ADAT3: variants seen among roughly 807,000 people sequenced by gnomAD.
ADAT3 encodes adenosine deaminase tRNA specific 3, also known as tRNA-specific adenosine-34 deaminase regulatory subunit ADAT3.
ADAT3 carries 2 observed loss-of-function variants against 3.5 expected under a neutral mutation model. That is an observed-to-expected ratio of 0.57 (90% CI 0.23 to 1.79). ADAT3 has a LOEUF of 1.79. ADAT3 is among the 40% of genes most tolerant of loss of function. The probability of loss-of-function intolerance (pLI) is 0.18; values close to 1 mark genes in which losing one functional copy is unlikely to be tolerated. For missense variants in ADAT3, 735 were observed against 571.4 expected (o/e 1.29, Z -2.92); for synonymous variants, 358 against 270.3 (o/e 1.32, Z -3.18).
intron 1 of ADAT3, among the ~76,000 whole-genome samples, chr19:1,910,250 T>A (rs144509630): frequency 4.6e-5 from 7 of 152,294 alleles, no homozygotes; most frequent in African/African-American, 1.4e-4. Flanking sequence ...GGCATCTGCT[T>A]GCAACTCACG....
Position 1,912,165 on chromosome 19 carries a change from G to A in ADAT3, c.118G>A (p.Ala40Thr), listed in dbSNP as rs762131026. The change falls in exon 2 of 2, where the codon GCG becomes ACG. Residue 40 changes from alanine (A) to threonine (T), a missense_variant. Physicochemically the swap from Ala to Thr is moderately conservative, Grantham distance 58. Transcript: ENST00000329478. ...GGCCGGGAGCCCGGAGCCTGAGCCG[G>A]CGCCGTGGCAGGCCCTCCCTGTCCT... Reference protein sequence around the residue: ...LEAGSPEPEPAPWQALPVLSE... With the variant: ...LEAGSPEPEPTPWQALPVLSE... The A allele has an allele frequency of 1.9e-6, 3 of 1,573,002 alleles. No homozygotes were observed. The highest frequency in any genetic ancestry group is 1.7e-4 in the Middle Eastern group (1 of 6,010).
rs573559126 is a variant in ADAT3, at chr19:1,909,714, C to T, written c.-158-2176C>T. On this transcript the variant is annotated intron_variant, in intron 1 of 1. Coordinates refer to ENST00000329478, the MANE Select transcript of ADAT3 (RefSeq NM_138422.4). Reference sequence around the variant, plus strand: ...CAGTCAGGGATGTTAGCAGGAGCCCCGGGAGTGATCCCAGCTCTTCCCGCA... The same window carrying T: ...CAGTCAGGGATGTTAGCAGGAGCCCTGGGAGTGATCCCAGCTCTTCCCGCA... 7.2e-5 allele frequency among the ~76,000 whole-genome samples: 11 copies of T among 151,810 alleles called. No homozygotes were observed. The East Asian group carries it at 1.9e-3, about 27-fold the overall frequency.
Position 1,912,297 on chromosome 19 carries a change from C to T in ADAT3, c.250C>T (p.Pro84Ser), listed in dbSNP as rs779905008. ...CCTGAAGGAGGTGTCGGCCCTGCAC[C>T]CGCTCCCCGCCCAGCCTCACCTCAA... ...RLLKEVSALH[P>S]LPAQPHLKRV... The change falls in exon 2 of 2, where the codon CCG (proline) becomes TCG (serine). Residue 84 changes from proline to serine, a missense_variant. Physicochemically the swap from Pro to Ser is moderately conservative, Grantham distance 74. Transcript: ENST00000329478. 2 of 1,565,738 alleles carry T rather than the reference C, an allele frequency of 1.3e-6. No homozygotes were observed. The highest frequency in any genetic ancestry group is 1.7e-6 in the Non-Finnish European group (2 of 1,161,572).
intron 1 of ADAT3, among the ~76,000 whole-genome samples, chr19:1,909,741 C>T (rs1809451003): frequency 6.6e-6 from 1 of 152,206 alleles, no homozygotes; most frequent in South Asian, 2.1e-4. Flanking sequence ...CTTCCCGCAG[C>T]CCCACTCCAG....
intron 1 of ADAT3, among the ~76,000 whole-genome samples, chr19:1,907,738 C>T (rs2013209610): frequency 6.6e-6 from 1 of 152,178 alleles, no homozygotes; most frequent in African/African-American, 2.4e-5. Context: ...GGCTGCCTGC[C>T]CTCCTGAGGG....
At position 1,912,807 on chromosome 19, in the gene ADAT3, C is replaced by G. The variant is rs778969688; in HGVS notation, c.760C>G (p.Arg254Gly). 35 of 1,580,178 alleles carry G rather than the reference C, an allele frequency of 2.2e-5. No homozygotes were observed. In the East Asian group the frequency reaches 7.8e-4, roughly 35 times the overall value. The change falls in exon 2 of 2, where the codon CGC becomes GGC. Residue 254 changes from arginine to glycine, a missense_variant. Arg to Gly is a moderately radical substitution (Grantham distance 125, BLOSUM62 -2). Coordinates refer to ENST00000329478, the MANE Select transcript of ADAT3 (RefSeq NM_138422.4). The stretch of plus-strand genomic sequence containing the variant: ...GGACCTCGTGGCGCGCGGCCAGGGC[C>G]GCGGCACCTACGACTTCAGACCCTT... ...CVDLVARGQG[R>G]GTYDFRPFPA...
Position 1,912,427 on chromosome 19 carries a change from C to A in ADAT3, c.380C>A (p.Pro127Gln). The stretch of plus-strand genomic sequence containing the variant: ...CCGCGCTCGCTGGCTGAGCTCCTGC[C>A]ACGGCCGGCTGTGGACCCCCGCGGC... ...SGPRSLAELL[P>Q]RPAVDPRGLG... The change falls in exon 2 of 2, where the codon CCA becomes CAA. Residue 127 changes from proline to glutamine, a missense_variant. By Grantham distance (76) the Pro-to-Gln change is moderately conservative. Coordinates refer to ENST00000329478, the MANE Select transcript of ADAT3 (RefSeq NM_138422.4). 1 of 1,511,988 alleles carries A rather than the reference C, an allele frequency of 6.6e-7. No homozygotes were observed. The highest frequency in any genetic ancestry group is 8.8e-7 in the Non-Finnish European group (1 of 1,137,330). 93.7% of individuals were successfully genotyped at this position (1,511,988 alleles called of 1,614,324 possible).
In ADAT3 at chr19:1,913,285, A is replaced by C. The variant is rs1240978771; in HGVS notation, c.*134A>C. On this transcript the variant is annotated 3_prime_UTR_variant, in exon 2 of 2. Transcript: ENST00000329478. ...ACACATACCGCCTCCAGCGGGGAGCACGGGTGCTGCCTTCCGTGCGGATCG... is the reference window on the plus strand; with the variant it reads ...ACACATACCGCCTCCAGCGGGGAGCCCGGGTGCTGCCTTCCGTGCGGATCG... 2 of 1,313,332 alleles carry C rather than the reference A, an allele frequency of 1.5e-6. No homozygotes were observed. The highest frequency in any genetic ancestry group is 3.0e-5 in the African/African-American group (2 of 66,274). 81.4% of individuals were successfully genotyped at this position (1,313,332 alleles called of 1,614,324 possible). A position where few individuals can be genotyped will look rare whatever the true frequency, so the allele number is the denominator to read the frequency against.
At position 1,913,255 on chromosome 19, in the gene ADAT3, C is replaced by G; in HGVS notation, c.*104C>G. ...TCCGCACAAGCCTGACCGTGGATTT[C>G]AGGGACACATACCGCCTCCAGCGGG... On this transcript the variant is annotated 3_prime_UTR_variant, in exon 2 of 2. Coordinates refer to ENST00000329478, the MANE Select transcript of ADAT3 (RefSeq NM_138422.4). 1.4e-6 allele frequency: 2 copies of G among 1,421,628 alleles called. No individual in the cohort carries two copies. Among genetic ancestry groups the G allele is most frequent in the Non-Finnish European group, 1.9e-6 (2 of 1,076,120 alleles). 88.1% of individuals were successfully genotyped at this position (1,421,628 alleles called of 1,614,324 possible). A position where few individuals can be genotyped will look rare whatever the true frequency, so the allele number is the denominator to read the frequency against.
chr19:1,906,197 C>CA (rs1264029993), intron 1 of ADAT3: 8 of 151,868 alleles, frequency 5.3e-5, no homozygotes, highest in Admixed American at 2.0e-4. Context: ...CCATCTCTGC[C>CA]AAAAATACAA....
chr19:1,906,680 C>A (rs1166163764), intron 1 of ADAT3: 3 of 149,724 alleles, frequency 2.0e-5, no homozygotes, highest in Non-Finnish European at 4.4e-5. Context: ...GAAACCCTGT[C>A]TCTACTAAAA....
Position 1,913,129 on chromosome 19 carries a change from G to T in ADAT3, c.1082G>T (p.Arg361Leu). ...VFRGVLEEQCRWLDPDT is the reference protein window; with the variant it reads ...VFRGVLEEQCLWLDPDT ...CGCGGGGTGCTGGAGGAGCAGTGCC[G>T]CTGGCTGGACCCCGACACGTAGGCG... The change falls in exon 2 of 2, where the codon CGC (arginine) becomes CTC (leucine). Residue 361 changes from arginine to leucine, a missense_variant. Physicochemically the swap from Arg to Leu is moderately radical, Grantham distance 102. Coordinates refer to ENST00000329478, the MANE Select transcript of ADAT3 (RefSeq NM_138422.4). 9 of 1,573,300 alleles carry T rather than the reference G, an allele frequency of 5.7e-6. No individual in the cohort carries two copies. The highest frequency in any genetic ancestry group is 7.7e-6 in the Non-Finnish European group (9 of 1,164,050).
rs890987305 is a variant in ADAT3 at position 1,908,407 on chromosome 19, G to A, written c.-159+2968G>A. Reference sequence around the variant, plus strand: ...TGTGGGGCGCCCCGGCGGCTGAGGCGTGGACCAGGCAGTGCATGTCGAGGA... The same window carrying A: ...TGTGGGGCGCCCCGGCGGCTGAGGCATGGACCAGGCAGTGCATGTCGAGGA... On this transcript the variant is annotated intron_variant, in intron 1 of 1. Transcript: ENST00000329478. The surrounding 1 kb of genome is among the most constrained non-coding windows in gnomAD (Gnocchi z 4.2). The A allele has an allele frequency of 1.8e-5, 8 of 443,290 alleles. No individual in the cohort carries two copies. The highest frequency in any genetic ancestry group is 3.3e-5 in the South Asian group (2 of 61,452). 27.5% of individuals were successfully genotyped at this position (443,290 alleles called of 1,614,324 possible). A position where few individuals can be genotyped will look rare whatever the true frequency, so the allele number is the denominator to read the frequency against.
Position 1,912,920 on chromosome 19 carries a change from C to A in ADAT3, c.873C>A (p.Leu291=). The A allele has an allele frequency of 6.2e-7, 1 of 1,610,010 alleles. No homozygotes were observed. Among genetic ancestry groups the A allele is most frequent in the Non-Finnish European group, 8.5e-7 (1 of 1,179,322 alleles). The part of the protein sequence containing the change: ...VRKLDADEDG[L]PYLCTGYDLY... ...AACTGGACGCAGACGAGGACGGCCT[C>A]CCCTACCTGTGCACTGGCTACGACC... The change falls in exon 2 of 2, where the codon CTC becomes CTA. Residue 291 remains leucine (L), a synonymous_variant. Transcript: ENST00000329478.
rs1446426318 is a variant in ADAT3 at position 1,905,780 on chromosome 19, T to C, written c.-159+341T>C. ...CTTCCGGTGGCCCTTCCTCAGGTCA[T>C]GTCCCGCAGTCCCCTGCCTCTGAAC... On this transcript the variant is annotated intron_variant, in intron 1 of 1. Coordinates refer to ENST00000329478, the MANE Select transcript of ADAT3 (RefSeq NM_138422.4). The C allele has an allele frequency of 2.6e-5, 4 of 152,398 alleles. No individual in the cohort carries two copies. In the East Asian group the frequency reaches 5.8e-4, roughly 22 times the overall value. The allele number at this position is 152,398 out of a possible 1,614,324, so 9.4% of individuals were successfully genotyped here.
chr19:1,908,465 TC>T lies in ADAT3; in HGVS notation c.-159+3028del, dbSNP rs1314723806. 16 of 470,636 alleles carry T rather than the reference TC, an allele frequency of 3.4e-5. No individual in the cohort carries two copies. Among genetic ancestry groups the T allele is most frequent in the Non-Finnish European group, 6.2e-5 (14 of 226,970 alleles). 29.2% of individuals were successfully genotyped at this position (470,636 alleles called of 1,614,324 possible). Reference sequence around the variant, plus strand: ...CCACAGCTGCGCGGCTGCGAAATGATCCAGAGACACATCCCTGTCTGCGGGA... The same window carrying T: ...CCACAGCTGCGCGGCTGCGAAATGATCAGAGACACATCCCTGTCTGCGGGA... On this transcript the variant is annotated intron_variant, in intron 1 of 1. Coordinates refer to ENST00000329478, the MANE Select transcript of ADAT3 (RefSeq NM_138422.4). This position sits in a 1 kb window ranked among gnomAD's most constrained non-coding sequence, Gnocchi z 4.2.
chr19:1,912,519 GCCCGGGCCC>G lies in ADAT3; in HGVS notation c.473_481del (p.Ala158_His161delinsAsp), dbSNP rs1418429934. 6.7e-7 allele frequency: 1 copy of G among 1,496,736 alleles called. No homozygotes were observed. The highest frequency in any genetic ancestry group is 8.8e-7 in the Non-Finnish European group (1 of 1,130,782). The allele number at this position is 1,496,736 out of a possible 1,614,324, so 92.7% of individuals were successfully genotyped here. A position where few individuals can be genotyped will look rare whatever the true frequency, so the allele number is the denominator to read the frequency against. ...TCTGACCAGGGGCCAGTTCGAGGAG[GCCCGGGCCC>G]ACTGGCCCACGTCCTTCCACGAGGA... On this transcript the variant is annotated inframe_deletion, in exon 2 of 2. Transcript: ENST00000329478.
intron 1 of ADAT3, 119 bp downstream of exon 1, chr19:1,905,558 C>T: frequency 3.4e-6 from 1 of 297,008 alleles, no homozygotes; most frequent in Non-Finnish European, 7.5e-6. Flanking sequence ...GGGGAGAAAA[C>T]GGGGGGCCCA....
At chr19:1,910,265 C>T (rs1483384800) in intron 1 of ADAT3, among the ~76,000 whole-genome samples, 3 of 152,188 alleles carry the variant, frequency 2.0e-5, no homozygotes, top group South Asian at 2.1e-4. Context: ...CTCACGCAGG[C>T]GTTGGCGGAA....
Sources: allele counts gnomAD v4.1 joint callset (sites outside exome capture counted in the v4.1 genomes callset), GRCh38; gene constraint gnomAD v4.1.1; non-coding constraint Gnocchi (gnomAD v3.1); transcripts MANE v1.5; gene names NCBI Gene and HGNC (gene_info 2026-07-23, HGNC 2026-07-21).